SLC10A7: variants seen among roughly 807,000 people sequenced by gnomAD.
The protein encoded by SLC10A7 is solute carrier family 10 member 7, also known as sodium/bile acid cotransporter 7.
SLC10A7 carries 29 observed loss-of-function variants against 43.2 expected under a neutral mutation model. That is an observed-to-expected ratio of 0.67 (90% CI 0.50 to 0.92). The LOEUF is 0.92. SLC10A7 is among the 40% of genes least tolerant of loss of function. SLC10A7 has a pLI of 0.00. For missense variants in SLC10A7, 295 were observed against 403.2 expected (o/e 0.73, Z 2.30); for synonymous variants, 152 against 144.8 (o/e 1.05, Z -0.35).
At chr4:146,370,016 T>C (rs1276200220) in intron 5 of SLC10A7, among the ~76,000 whole-genome samples, 1 of 152,124 alleles carries the variant, frequency 6.6e-6, no homozygotes. Context: ...AATAAATATA[T>C]GTCAGAATAA....
At chr4:146,488,633 G>A (rs1735119093) in intron 4 of SLC10A7, among the ~76,000 whole-genome samples, 1 of 152,120 alleles carries the variant, frequency 6.6e-6, no homozygotes, top group Non-Finnish European at 1.5e-5. Context: ...CCCTATAGAA[G>A]TCTTTTATTT....
At chr4:146,263,825 A>G (rs1186430499) in intron 10 of SLC10A7, among the ~76,000 whole-genome samples, 4 of 152,276 alleles carry the variant, frequency 2.6e-5, no homozygotes, top group African/African-American at 9.6e-5. Context: ...GTTAGAAGGC[A>G]CATATTGTAA....
intron 5 of SLC10A7, among the ~76,000 whole-genome samples, chr4:146,392,171 T>C (rs935734722): frequency 6.6e-6 from 1 of 152,178 alleles, no homozygotes; most frequent in African/African-American, 2.4e-5. Context: ...CAGGACTCTG[T>C]TGTATCTCTA....
intron 9 of SLC10A7, among the ~76,000 whole-genome samples, chr4:146,286,596 G>GAAGGACCGTGTCTGGAGTGGTGAC (rs1439427552): frequency 4.6e-4 from 68 of 149,260 alleles, no homozygotes; most frequent in African/African-American, 1.6e-3. Flanking sequence ...GGAGTGGTGA[G>GAAGGACCGTGTCTGGAGTGGTGAC]AAGGACCGTG....
intron 5 of SLC10A7, among the ~76,000 whole-genome samples, chr4:146,360,070 G>A (rs1340580609): frequency 6.6e-6 from 1 of 152,048 alleles, no homozygotes; most frequent in East Asian, 1.9e-4. Context: ...CCAAAACCAG[G>A]AACCTAGGCA....
At chr4:146,519,778 G>C (rs577451081) in intron 1 of SLC10A7, among the ~76,000 whole-genome samples, 29 of 152,018 alleles carry the variant, frequency 1.9e-4, no homozygotes, top group Non-Finnish European at 1.0e-4. Context: ...CCTAGAGAGA[G>C]TCACCTGGTA....
intron 3 of SLC10A7, 69 bp from the exon 4 acceptor site, chr4:146,503,993 C>T: frequency 1.5e-6 from 2 of 1,291,118 alleles, no homozygotes; most frequent in South Asian, 1.2e-5. Flanking sequence ...TACATTCATT[C>T]TAAAATAGCA....
At chr4:146,499,085 G>A (rs1736175569) in intron 4 of SLC10A7, among the ~76,000 whole-genome samples, 1 of 152,042 alleles carries the variant, frequency 6.6e-6, no homozygotes, top group Admixed American at 6.5e-5. Context: ...TTTAGTACAT[G>A]AGAGCACATA....
At chr4:146,452,722 G>T (rs1731699126) in intron 4 of SLC10A7, among the ~76,000 whole-genome samples, 1 of 151,820 alleles carries the variant, frequency 6.6e-6, no homozygotes, top group African/African-American at 2.4e-5. Flanking sequence ...ACATATTCAG[G>T]ATATCAATCA....
intron 5 of SLC10A7, among the ~76,000 whole-genome samples, chr4:146,397,437 T>C: frequency 6.6e-6 from 1 of 152,198 alleles, no homozygotes; most frequent in East Asian, 1.9e-4. Context: ...CAATAATGTA[T>C]ATAATTGATC....
At chr4:146,398,052 T>C (rs1352509072) in intron 5 of SLC10A7, among the ~76,000 whole-genome samples, 1 of 152,222 alleles carries the variant, frequency 6.6e-6, no homozygotes, top group Non-Finnish European at 1.5e-5. Context: ...CATTGGAATT[T>C]TCTGCAACAT....
chr4:146,521,008 A>G (rs1265929781), intron 1 of SLC10A7, among the ~76,000 whole-genome samples: 1 of 152,060 alleles, frequency 6.6e-6, no homozygotes, highest in Non-Finnish European at 1.5e-5. Context: ...TATCTGTTAG[A>G]CTGCTAGTAT....
chr4:146,466,602 T>C (rs1733059044), intron 4 of SLC10A7, among the ~76,000 whole-genome samples: 1 of 152,238 alleles, frequency 6.6e-6, no homozygotes, highest in Non-Finnish European at 1.5e-5. Context: ...TATTACATTC[T>C]TTTTCTTAGC....
intron 5 of SLC10A7, among the ~76,000 whole-genome samples, chr4:146,373,975 C>T (rs951092242): frequency 9.9e-5 from 15 of 152,082 alleles, no homozygotes; most frequent in South Asian, 2.1e-4. Context: ...ACAGTATGTA[C>T]AGATTGGTTA....
chr4:146,497,038 T>C (rs1363498724), intron 4 of SLC10A7, among the ~76,000 whole-genome samples: 1 of 152,218 alleles, frequency 6.6e-6, no homozygotes, highest in Non-Finnish European at 1.5e-5. Flanking sequence ...ACCCTTTTTA[T>C]AGCTACGATA....
chr4:146,461,274 AAAC>A lies in SLC10A7; in HGVS notation c.397-18456_397-18454del, dbSNP rs540854641. Among the ~76,000 whole-genome samples, 734 of 152,174 alleles carry A rather than the reference AAAC, an allele frequency of 4.8e-3. 6 individuals carry two copies. Among genetic ancestry groups the A allele is most frequent in the Middle Eastern group, 0.041 (12 of 294 alleles). ...AATGGAGTCTGAAGATCTGATTTCA[AAAC>A]AACTTGTCACATACTTAGCTATGAA... On this transcript the variant is annotated intron_variant, in intron 4 of 11. Coordinates refer to ENST00000335472, the MANE Select transcript of SLC10A7 (RefSeq NM_001029998.6).
Position 146,292,929 on chromosome 4 carries a change from C to A in SLC10A7, c.773G>T (p.Arg258Met). The change falls in exon 9 of 12, where the codon AGG (arginine) becomes ATG (methionine). Residue 258 changes from arginine to methionine, a missense_variant and splice_region_variant. Coordinates refer to ENST00000335472, the MANE Select transcript of SLC10A7 (RefSeq NM_001029998.6). Reference sequence around the variant, plus strand: ...TAACAAGAGATACCAAATCACTTACCTTGTTGAAAAGATGAAAGTTAAAAG... The same window carrying A: ...TAACAAGAGATACCAAATCACTTACATTGTTGAAAAGATGAAAGTTAAAAG... ...FMLLTFIFST[R>M]NNSGFTPADT... 6.3e-7 allele frequency: 1 copy of A among 1,584,434 alleles called. No individual in the cohort carries two copies. Among genetic ancestry groups the A allele is most frequent in the South Asian group, 1.1e-5 (1 of 88,404 alleles).
chr4:146,512,077 G>A (rs1737535008), intron 2 of SLC10A7, among the ~76,000 whole-genome samples: 3 of 146,278 alleles, frequency 2.1e-5, no homozygotes, highest in South Asian at 4.3e-4. Context: ...GAGTTCAAGC[G>A]ATTCTCCTGC....
At chr4:146,380,664 T>C (rs1737549695) in intron 5 of SLC10A7, among the ~76,000 whole-genome samples, 1 of 152,146 alleles carries the variant, frequency 6.6e-6, no homozygotes, top group African/African-American at 2.4e-5. Context: ...GGCGATCCAT[T>C]GAGACTTTCT....
Sources: allele counts gnomAD v4.1 joint callset (sites outside exome capture counted in the v4.1 genomes callset), GRCh38; gene constraint gnomAD v4.1.1; transcripts MANE v1.5; gene names NCBI Gene and HGNC (gene_info 2026-07-23, HGNC 2026-07-21).